HDAC7: variants seen among roughly 807,000 people sequenced by gnomAD.
The protein encoded by HDAC7 is histone deacetylase 7A.
A neutral mutation model predicts 115.5 loss-of-function variants in HDAC7; 26 were observed. The ratio of observed to expected loss-of-function variants is 0.23; its 90% CI spans 0.16 to 0.31. The LOEUF (loss-of-function observed/expected upper bound fraction) is 0.31, where lower values mean the gene tolerates loss of function less well. Among genes scored for constraint, HDAC7 ranks in the 10% least tolerant of loss-of-function variants. HDAC7 has a pLI of 1.00. For missense variants in HDAC7, 1,068 were observed against 1,329.0 expected, an observed-to-expected ratio of 0.80 and a Z score of 3.05; for synonymous variants, 564 against 550.9, an observed-to-expected ratio of 1.02 and a Z score of -0.33.
intron 1 of HDAC7, among the ~76,000 whole-genome samples, chr12:47,811,257 C>T (rs1396830559): frequency 2.0e-5 from 3 of 152,172 alleles, no homozygotes; most frequent in Non-Finnish European, 4.4e-5. Context: ...GACCTGATTC[C>T]CTTTTGCAGC....
At chr12:47,785,664 C>G in intron 23 of HDAC7, 88 bp downstream of exon 23, 1 of 1,488,688 alleles carries the variant, frequency 6.7e-7, no homozygotes, top group Non-Finnish European at 9.0e-7. Context: ...CCACCCTGTC[C>G]CATCCCATCT....
intron 15 of HDAC7, 21 bp from the exon 16 acceptor site, chr12:47,791,329 C>A (rs1374037847): frequency 6.4e-7 from 1 of 1,563,462 alleles, no homozygotes; most frequent in Non-Finnish European, 8.7e-7. Flanking sequence ...AGGCCCAGCC[C>A]ACGTCAGCGT....
intron 1 of HDAC7, among the ~76,000 whole-genome samples, chr12:47,806,258 A>G (rs1176927226): frequency 2.6e-5 from 4 of 152,270 alleles, no homozygotes; most frequent in African/African-American, 9.6e-5. Flanking sequence ...TAAAGCACAC[A>G]GGACATTGGC....
At position 47,798,788 on chromosome 12, in the gene HDAC7, C is replaced by A. The variant is rs1436883929; in HGVS notation, c.255G>T (p.Met85Ile). The A allele has an allele frequency of 6.4e-7, 1 of 1,556,216 alleles. No homozygotes were observed. The highest frequency in any genetic ancestry group is 1.2e-5 in the South Asian group (1 of 84,486). Residue 85 changes from methionine (M) to isoleucine (I), a missense_variant, in exon 3 of 26, where the codon ATG becomes ATT. This residue lies in a region of HDAC7 where 161 missense variants were observed against 158.5 expected (regional missense o/e 1.02). Coordinates refer to ENST00000080059, the MANE Select transcript of HDAC7 (RefSeq NM_015401.5). The surrounding 1 kb of genome is among the most constrained non-coding windows in gnomAD (Gnocchi z 4.3). ...GLQQQRSVEP[M>I]RLSMDTPMPE... ...ATGCAGGGAGCTCCATCTTTACCCTCATGGGCTCCACCGAGCGCTGCTGCT... is the reference window on the plus strand; with the variant it reads ...ATGCAGGGAGCTCCATCTTTACCCTAATGGGCTCCACCGAGCGCTGCTGCT...
intron 1 of HDAC7, chr12:47,802,498 T>A (rs1217268504): frequency 1.2e-5 from 19 of 1,550,662 alleles, no homozygotes; most frequent in Admixed American, 9.8e-5. Context: ...CTTCCTCAAG[T>A]CACTCATTCT....
chr12:47,789,065 C>T (rs1943331084), intron 19 of HDAC7, 196 bp downstream of exon 19: 2 of 586,778 alleles, frequency 3.4e-6, no homozygotes, highest in Non-Finnish European at 6.1e-6. Context: ...TGGCTGAATG[C>T]GTTCCCACAC....
intron 24 of HDAC7, 23 bp downstream of exon 24, chr12:47,785,363 CG>C: frequency 6.3e-7 from 1 of 1,578,724 alleles, no homozygotes. Context: ...CTGAGCTCAG[CG>C]AGTGTCCCAT....
intron 24 of HDAC7, chr12:47,784,596 C>G: frequency 1.1e-6 from 1 of 899,460 alleles, no homozygotes; most frequent in Non-Finnish European, 1.7e-6. Context: ...GCCCCAAGCT[C>G]GGGCCTCCCA....
At chr12:47,785,142 C>A (rs1243102744) in intron 24 of HDAC7, 1 of 547,542 alleles carries the variant, frequency 1.8e-6, no homozygotes. Flanking sequence ...AGATGGAGGC[C>A]AGTCCCTACC....
At chr12:47,791,820 C>CCCACAAA in intron 14 of HDAC7, 51 bp downstream of exon 14, 1 of 1,581,804 alleles carries the variant, frequency 6.3e-7, no homozygotes, top group Non-Finnish European at 8.6e-7. Context: ...CCCTCCCCTC[C>CCCACAAA]CATGACTCCT....
intron 19 of HDAC7, chr12:47,788,458 A>C (rs2301783): frequency 0.19 from 47,032 of 250,966 alleles, 5,807 homozygotes; most frequent in East Asian, 0.4. Flanking sequence ...ACATGGGGTT[A>C]GTGGCAAGGA....
Position 47,793,340 on chromosome 12 carries a change from TCCACCCG to T in HDAC7, c.1678+22_1678+28del. 1 of 571,322 alleles carries T rather than the reference TCCACCCG, an allele frequency of 1.8e-6. No individual in the cohort carries two copies. Among genetic ancestry groups the T allele is most frequent in the Non-Finnish European group, 3.0e-6 (1 of 330,676 alleles). The allele number at this position is 571,322 out of a possible 1,614,324, so 35.4% of individuals were successfully genotyped here. A position where few individuals can be genotyped will look rare whatever the true frequency, so the allele number is the denominator to read the frequency against. On this transcript the variant is annotated intron_variant, in intron 13 of 25. Transcript: ENST00000080059. The surrounding 1 kb of genome is among the most constrained non-coding windows in gnomAD (Gnocchi z 4.5). ...GGACTCGTGCAGCCGAGCCCCTCCC[TCCACCCG>T]CCACCCTCCTCCCGGTCTCACCTGT...
In HDAC7 at chr12:47,795,245, G is replaced by C. The variant is rs1018365012; in HGVS notation, c.1223C>G (p.Pro408Arg). 4 of 1,612,286 alleles carry C rather than the reference G, an allele frequency of 2.5e-6. No homozygotes were observed. In the East Asian group the frequency reaches 6.7e-5, roughly 27 times the overall value. ...EPLPPSATAP[P>R]PPGPMQPRLE... is the part of the protein sequence containing the mutation. ...GCGGGGCTGCATGGGGCCCGGCGGT[G>C]GGGGAGCGGTGGCACTGGGGGGCAG... Residue 408 changes from proline to arginine, a missense_variant, in exon 11 of 26, where the codon CCA becomes CGA. Around this residue, in one of 6 missense-constraint regions of HDAC7, gnomAD observed 618 missense variants for 701.5 expected, o/e 0.88. Transcript: ENST00000080059. The surrounding 1 kb of genome is among the most constrained non-coding windows in gnomAD (Gnocchi z 4.3).
chr12:47,787,900 G>T, intron 20 of HDAC7, 91 bp from the exon 21 acceptor site: 1 of 1,521,074 alleles, frequency 6.6e-7, no homozygotes, highest in Non-Finnish European at 9.0e-7. Flanking sequence ...AGCTCATCCA[G>T]CCTCCCCATT....
In HDAC7 at chr12:47,797,151, A is replaced by C; in HGVS notation, c.578-9T>G. 1 of 1,583,222 alleles carries C rather than the reference A, an allele frequency of 6.3e-7. No individual in the cohort carries two copies. Among genetic ancestry groups the C allele is most frequent in the Middle Eastern group, 1.7e-4 (1 of 5,888 alleles). On this transcript the variant is annotated splice_polypyrimidine_tract_variant and intron_variant, in intron 6 of 25. Coordinates refer to ENST00000080059, the MANE Select transcript of HDAC7 (RefSeq NM_015401.5). This position sits in a 1 kb window ranked among gnomAD's most constrained non-coding sequence, Gnocchi z 5.5. ...CAGGTTGGGCTCAGAGACTGCAGGG[A>C]GCACCAGCGTCACTCAGGCCCCCAC...
chr12:47,804,410 G>A (rs1168870641), intron 1 of HDAC7, among the ~76,000 whole-genome samples: 2 of 151,948 alleles, frequency 1.3e-5, no homozygotes, highest in Non-Finnish European at 2.9e-5. Context: ...GTCAGTAGCT[G>A]AACTGAAGCC....
chr12:47,810,854 A>ATCTCTG (rs1944632848), intron 1 of HDAC7, among the ~76,000 whole-genome samples: 1 of 111,986 alleles, frequency 8.9e-6, no homozygotes, highest in African/African-American at 3.3e-5. Context: ...CTCTATCTCT[A>ATCTCTG]TCTCTGTCTC....
Position 47,793,336 on chromosome 12 carries a change from T to TCCCACCCC in HDAC7, c.1678+32_1678+33insGGGGTGGG. The stretch of plus-strand genomic sequence containing the variant: ...ACATGGACTCGTGCAGCCGAGCCCC[T>TCCCACCCC]CCCTCCACCCGCCACCCTCCTCCCG... On this transcript the variant is annotated intron_variant, in intron 13 of 25. Coordinates refer to ENST00000080059, the MANE Select transcript of HDAC7 (RefSeq NM_015401.5). This position sits in a 1 kb window ranked among gnomAD's most constrained non-coding sequence, Gnocchi z 4.5. The TCCCACCCC allele has an allele frequency of 1.8e-6, 1 of 546,072 alleles. No individual in the cohort carries two copies. The allele number at this position is 546,072 out of a possible 1,614,324, so 33.8% of individuals were successfully genotyped here. A position where few individuals can be genotyped will look rare whatever the true frequency, so the allele number is the denominator to read the frequency against.
rs1944641706 is a variant in HDAC7, at chr12:47,811,038, G to A, written c.19+8729C>T. 3.9e-5 allele frequency among the ~76,000 whole-genome samples: 6 copies of A among 152,210 alleles called. No homozygotes were observed. In the South Asian group the frequency reaches 1.2e-3, roughly 32 times the overall value. On this transcript the variant is annotated intron_variant, in intron 1 of 25. Coordinates refer to ENST00000080059, the MANE Select transcript of HDAC7 (RefSeq NM_015401.5). ...GAAGCCACAATGGAGACCCTGGTCT[G>A]CACTCAGTAAGAACCAGGCAAACCG...
Sources: allele counts gnomAD v4.1 joint callset (sites outside exome capture counted in the v4.1 genomes callset), GRCh38; gene constraint gnomAD v4.1.1; regional missense constraint gnomAD v4.1.1; non-coding constraint Gnocchi (gnomAD v3.1); transcripts MANE v1.5; gene names NCBI Gene and HGNC (gene_info 2026-07-23, HGNC 2026-07-21).